The following KSR1 variants were observed in gnomAD, a reference collection of about 807,000 sequenced individuals.
KSR1 encodes the protein kinase suppressor of ras.
A neutral mutation model predicts 92.9 loss-of-function variants in KSR1; 35 were observed. That is an observed-to-expected ratio of 0.38 (90% CI 0.29 to 0.50). The LOEUF is 0.50. KSR1 is among the 20% of genes least tolerant of loss of function. The pLI, the probability that KSR1 is intolerant of heterozygous loss-of-function variation, is 0.94. For missense variants in KSR1, 972 were observed against 1,158.5 expected, an observed-to-expected ratio of 0.84 and a Z score of 2.34; for synonymous variants, 467 against 472.6, an observed-to-expected ratio of 0.99 and a Z score of 0.15.
At chr17:27,587,338 C>T (rs747749158) in intron 5 of KSR1, 3 of 152,276 alleles carry the variant, frequency 2.0e-5, no homozygotes, top group Non-Finnish European at 2.9e-5. Context: ...ACCTCCAGCA[C>T]ACCCTTCTCA....
intron 1 of KSR1, among the ~76,000 whole-genome samples, chr17:27,469,350 C>A (rs1477898282): frequency 6.6e-6 from 1 of 152,046 alleles, no homozygotes; most frequent in African/African-American, 2.4e-5. Context: ...TCTCAGGTGC[C>A]GAGTCACTTT....
Position 27,601,396 on chromosome 17 carries a change from T to C in KSR1, c.1505T>C (p.Phe502Ser). 1 of 1,613,450 alleles carries C rather than the reference T, an allele frequency of 6.2e-7. No homozygotes were observed. The highest frequency in any genetic ancestry group is 8.5e-7 in the Non-Finnish European group (1 of 1,179,398). ...ATTCATCATAGACAGCAGTTTATCT[T>C]TCCAGGTGAGTCCTTTGCATGGTTC... ...YFIHHRQQFI[F>S]PDISAFAHAA... Residue 502 changes from phenylalanine to serine, a missense_variant, in exon 11 of 21, where the codon TTT becomes TCT. Around this residue, in one of 5 missense-constraint regions of KSR1, gnomAD observed 611 missense variants for 668.0 expected, o/e 0.91. Transcript: ENST00000644974.
At chr17:27,550,816 C>T (rs1269606027) in intron 2 of KSR1, 108 bp downstream of exon 2, 28 of 645,798 alleles carry the variant, frequency 4.3e-5, no homozygotes, top group Non-Finnish European at 5.4e-5. Context: ...AGGGTTGATG[C>T]TCTCTAGTCT....
intron 3 of KSR1, chr17:27,578,441 ACTCAATTCAGAAAAT>A (rs1337263539): frequency 6.6e-6 from 1 of 152,164 alleles, no homozygotes; most frequent in Non-Finnish European, 1.5e-5. Context: ...AGAAAGTTGC[ACTCAATTCAGAAAAT>A]CTTGACCTGC....
At chr17:27,615,835 G>C (rs749782382) in intron 18 of KSR1, among the ~76,000 whole-genome samples, 11 of 152,114 alleles carry the variant, frequency 7.2e-5, no homozygotes, top group Non-Finnish European at 1.3e-4. Context: ...TTGAATCCTT[G>C]CATGCCTAAA....
intron 1 of KSR1, among the ~76,000 whole-genome samples, chr17:27,480,352 G>A (rs2068475913): frequency 6.6e-6 from 1 of 151,958 alleles, no homozygotes; most frequent in Non-Finnish European, 1.5e-5. Context: ...AGCTCCACAG[G>A]GTAAGGATTT....
chr17:27,582,761 C>T lies in KSR1; in HGVS notation c.636C>T (p.Ser212=). The change falls in exon 4 of 21, where the codon AGC becomes AGT. Residue 212 remains serine, a synonymous_variant. Coordinates refer to ENST00000644974, the MANE Select transcript of KSR1 (RefSeq NM_001394583.1). Reference sequence around the variant, plus strand: ...CCAGCCTGCCCTGGCCCCCAGGGAGCTCCCAGCTGGGCAGAGCAGGCAACA... The same window carrying T: ...CCAGCCTGCCCTGGCCCCCAGGGAGTTCCCAGCTGGGCAGAGCAGGCAACA... The part of the protein sequence containing the change: ...SAASLPWPPG[S]SQLGRAGNSA... 6.2e-7 allele frequency: 1 copy of T among 1,613,856 alleles called. No homozygotes were observed.
chr17:27,607,260 G>C (rs1470395982), intron 14 of KSR1, among the ~76,000 whole-genome samples: 1 of 152,144 alleles, frequency 6.6e-6, no homozygotes, highest in Non-Finnish European at 1.5e-5. Flanking sequence ...CAAAGGCTCT[G>C]AGACTCCAAG....
rs373667707 is a variant in KSR1 at position 27,592,304 on chromosome 17, G to A, written c.1131-57G>A. Reference sequence around the variant, plus strand: ...GTGAATGCTACACAGAGCTACCCCTGTGTGCCTGAGCCCCCCCATGTGGTG... The same window carrying A: ...GTGAATGCTACACAGAGCTACCCCTATGTGCCTGAGCCCCCCCATGTGGTG... On this transcript the variant is annotated intron_variant, in intron 7 of 20. Coordinates refer to ENST00000644974, the MANE Select transcript of KSR1 (RefSeq NM_001394583.1). 1.9e-5 allele frequency: 27 copies of A among 1,421,094 alleles called. No individual in the cohort carries two copies. The African/African-American group carries it at 3.8e-4, about 20-fold the overall frequency. The allele number at this position is 1,421,094 out of a possible 1,614,324, so 88.0% of individuals were successfully genotyped here.
rs779269610 is a variant in KSR1, at chr17:27,456,900, G to T, written c.231+26G>T. On this transcript the variant is annotated intron_variant, in intron 1 of 20. Coordinates refer to ENST00000644974, the MANE Select transcript of KSR1 (RefSeq NM_001394583.1). The stretch of plus-strand genomic sequence containing the variant: ...GTAAGTGGGTCGGGGACCAGGCTGG[G>T]CTCGAGGAGCGGGCCCGGACACCTC... 419 of 801,096 alleles carry T rather than the reference G, an allele frequency of 5.2e-4. 1 individual carries two copies. The highest frequency in any genetic ancestry group is 1.9e-4 in the Non-Finnish European group (87 of 454,326). 49.6% of individuals were successfully genotyped at this position (801,096 alleles called of 1,614,324 possible).
intron 1 of KSR1, chr17:27,483,665 G>A (rs2068581757): frequency 6.6e-6 from 1 of 151,978 alleles, no homozygotes. Context: ...TAGGTGACTG[G>A]ACTGATGTTC....
At chr17:27,568,861 T>C (rs1326058311) in intron 2 of KSR1, among the ~76,000 whole-genome samples, 1 of 152,184 alleles carries the variant, frequency 6.6e-6, no homozygotes, top group Non-Finnish European at 1.5e-5. Flanking sequence ...CCAGCTGCCA[T>C]CCCTGAAAGG....
rs2071729685 is a variant in KSR1, at chr17:27,559,314, C to T, written c.372+8606C>T. Reference sequence around the variant, plus strand: ...GCTGCATGCCTGACCTTTGGTTCCTCGTCCCTTCCCTGTCTGTAGATGTTG... The same window carrying T: ...GCTGCATGCCTGACCTTTGGTTCCTTGTCCCTTCCCTGTCTGTAGATGTTG... On this transcript the variant is annotated intron_variant, in intron 2 of 20. Transcript: ENST00000644974. This position sits in a 1 kb window ranked among gnomAD's most constrained non-coding sequence, Gnocchi z 4.2. Among the ~76,000 whole-genome samples, 2 of 152,228 alleles carry T rather than the reference C, an allele frequency of 1.3e-5. No homozygotes were observed. Among genetic ancestry groups the T allele is most frequent in the East Asian group, 1.9e-4 (1 of 5,198 alleles).
At chr17:27,528,391 A>G (rs1434056816) in intron 1 of KSR1, among the ~76,000 whole-genome samples, 1 of 152,238 alleles carries the variant, frequency 6.6e-6, no homozygotes, top group Non-Finnish European at 1.5e-5. Flanking sequence ...AGTCTTTAAC[A>G]CATTTGGTCT....
intron 1 of KSR1, among the ~76,000 whole-genome samples, chr17:27,513,462 A>G (rs1201351570): frequency 6.6e-6 from 1 of 152,070 alleles, no homozygotes; most frequent in African/African-American, 2.4e-5. Flanking sequence ...ATTGTTGGAC[A>G]TGACTCTTGG....
At chr17:27,496,840 G>A (rs73983443) in intron 1 of KSR1, among the ~76,000 whole-genome samples, 1,755 of 152,328 alleles carry the variant, frequency 0.012, 15 homozygotes, top group African/African-American at 0.019. Context: ...GGGGCTGGCC[G>A]TGTGCTAGTG....
intron 1 of KSR1, among the ~76,000 whole-genome samples, chr17:27,511,703 G>A (rs1375510314): frequency 6.6e-6 from 1 of 152,170 alleles, no homozygotes; most frequent in Non-Finnish European, 1.5e-5. Flanking sequence ...GGAAATGGAG[G>A]TTCCTGAGGC....
rs1439079536 is a variant in KSR1, at chr17:27,550,709, G to A, written c.372+1G>A. On this transcript the variant is annotated splice_donor_variant, in intron 2 of 20. Coordinates refer to ENST00000644974, the MANE Select transcript of KSR1 (RefSeq NM_001394583.1). LOFTEE classifies it high-confidence loss of function. Reference sequence around the variant, plus strand: ...CAACGTGAGGCCGGAGGTGGTGCAGGTATGCAAGCTGGTTCTCAGCATAGG... The same window carrying A: ...CAACGTGAGGCCGGAGGTGGTGCAGATATGCAAGCTGGTTCTCAGCATAGG... 1.3e-6 allele frequency: 1 copy of A among 762,722 alleles called. No individual in the cohort carries two copies. The highest frequency in any genetic ancestry group is 2.4e-5 in the East Asian group (1 of 41,224). The allele number at this position is 762,722 out of a possible 1,614,324, so 47.2% of individuals were successfully genotyped here.
chr17:27,554,468 C>T (rs1350606964), intron 2 of KSR1, among the ~76,000 whole-genome samples: 2 of 152,214 alleles, frequency 1.3e-5, no homozygotes, highest in Non-Finnish European at 2.9e-5. Context: ...GCTGTCAGAT[C>T]AGCAGCAGCA....
Sources: allele counts gnomAD v4.1 joint callset (sites outside exome capture counted in the v4.1 genomes callset), GRCh38; gene constraint gnomAD v4.1.1; regional missense constraint gnomAD v4.1.1; non-coding constraint Gnocchi (gnomAD v3.1); transcripts MANE v1.5; gene names NCBI Gene and HGNC (gene_info 2026-07-23, HGNC 2026-07-21).